Variants in ADGB observed in about 807,000 individuals in gnomAD.
ADGB encodes the protein calpain-7-like protein.
A neutral mutation model predicts 210.5 loss-of-function variants in ADGB; 172 were observed. The observed-to-expected ratio is 0.82, with a 90% CI of 0.72 to 0.93. The LOEUF is 0.93. Ranked by LOEUF, ADGB falls within the 40% of genes least tolerant of loss-of-function variation. The pLI is 0.00. For missense variants in ADGB, 2,025 were observed against 1,964.8 expected (o/e 1.03, Z -0.58); for synonymous variants, 658 against 662.7 (o/e 0.99, Z 0.11).
intron 13 of ADGB, among the ~76,000 whole-genome samples, chr6:146,703,599 T>G (rs1249832694): frequency 6.6e-6 from 1 of 152,014 alleles, no homozygotes; most frequent in Non-Finnish European, 1.5e-5. Flanking sequence ...CATAAGGTCC[T>G]CCAGGTTTAT....
chr6:146,769,822 G>A (rs1246614594), intron 29 of ADGB, among the ~76,000 whole-genome samples: 2 of 152,180 alleles, frequency 1.3e-5, no homozygotes, highest in East Asian at 3.9e-4. Flanking sequence ...AACATAAAAT[G>A]TAAAAGCCTC....
intron 27 of ADGB, among the ~76,000 whole-genome samples, chr6:146,754,514 A>G (rs1425105041): frequency 6.6e-6 from 1 of 151,844 alleles, no homozygotes; most frequent in African/African-American, 2.4e-5. Flanking sequence ...ACTTAATGCT[A>G]TACATTTTTC....
chr6:146,746,002 T>C lies in ADGB; in HGVS notation c.3258T>C (p.Gly1086=). 6.4e-7 allele frequency: 1 copy of C among 1,551,378 alleles called. No individual in the cohort carries two copies. The highest frequency in any genetic ancestry group is 1.2e-5 in the South Asian group (1 of 84,034). The part of the protein sequence containing the change: ...AASRWKLRLI[G]SSAPLPCLSR... ...CACGATGGAAACTGCGTCTCATCGG[T>C]TCTTCTGCTCCACTGCCATGCCTCT... Residue 1086 remains glycine, a synonymous_variant, in exon 26 of 36, where the codon GGT becomes GGC. Coordinates refer to ENST00000397944, the MANE Select transcript of ADGB (RefSeq NM_024694.4).
intron 4 of ADGB, 92 bp from the exon 5 acceptor site, chr6:146,656,679 T>A: frequency 1.2e-6 from 1 of 810,320 alleles, no homozygotes; most frequent in East Asian, 2.8e-5. Context: ...AATATTATTC[T>A]TGGAAGTGGA....
At chr6:146,600,285 C>A (rs75395649) in intron 1 of ADGB, 15,894 of 196,908 alleles carry the variant, frequency 0.081, 833 homozygotes, top group East Asian at 0.23. Context: ...CTTCTGTGTA[C>A]CAAAGTCAGG....
chr6:146,729,175 G>A (rs914875462), intron 20 of ADGB, among the ~76,000 whole-genome samples: 2 of 152,156 alleles, frequency 1.3e-5, no homozygotes, highest in Admixed American at 1.3e-4. Context: ...CAGCCTTGAG[G>A]GGGTGAAGCA....
At chr6:146,807,029 G>A (rs1448742169) in intron 35 of ADGB, among the ~76,000 whole-genome samples, 1 of 152,182 alleles carries the variant, frequency 6.6e-6, no homozygotes, top group Non-Finnish European at 1.5e-5. Flanking sequence ...GTCAAGGATA[G>A]CATACATGTG....
intron 13 of ADGB, among the ~76,000 whole-genome samples, chr6:146,712,814 A>G (rs1297962570): frequency 1.3e-5 from 2 of 152,318 alleles, no homozygotes; most frequent in Middle Eastern, 3.4e-3. Context: ...GCAGTTCAGT[A>G]GTATTGAATA....
intron 28 of ADGB, among the ~76,000 whole-genome samples, chr6:146,767,384 A>G (rs1313395279): frequency 3.3e-5 from 5 of 152,242 alleles, no homozygotes; most frequent in African/African-American, 1.2e-4. Flanking sequence ...AAAGACATTA[A>G]TAGTAATAAC....
intron 30 of ADGB, 78 bp from the exon 31 acceptor site, chr6:146,784,540 T>G: frequency 8.8e-7 from 1 of 1,134,038 alleles, no homozygotes; most frequent in Non-Finnish European, 1.2e-6. Flanking sequence ...AATAGTGAAA[T>G]TATGTATCAT....
Position 146,801,815 on chromosome 6 carries a change from CT to C in ADGB, c.4635-9del. 1 of 1,529,804 alleles carries C rather than the reference CT, an allele frequency of 6.5e-7. No individual in the cohort carries two copies. Among genetic ancestry groups the C allele is most frequent in the Non-Finnish European group, 8.8e-7 (1 of 1,136,178 alleles). The allele number at this position is 1,529,804 out of a possible 1,614,324, so 94.8% of individuals were successfully genotyped here. On this transcript the variant is annotated splice_polypyrimidine_tract_variant and intron_variant, in intron 34 of 35. Transcript: ENST00000397944. ...AAATGAAATCTGTATCTTTTGATGA[CT>C]TTTGTATCAAGGAAAACAGATACAG...
intron 9 of ADGB, 146 bp from the exon 10 acceptor site, chr6:146,685,588 A>T (rs540997861): frequency 1.3e-4 from 61 of 458,504 alleles, no homozygotes; most frequent in Non-Finnish European, 2.1e-4. Flanking sequence ...GAGATTTAAC[A>T]TCTGTTAAAT....
chr6:146,671,390 A>G (rs1776006717), intron 7 of ADGB, among the ~76,000 whole-genome samples: 1 of 152,204 alleles, frequency 6.6e-6, no homozygotes, highest in Admixed American at 6.5e-5. Flanking sequence ...GTAGTATCCA[A>G]CGGACACTGT....
intron 9 of ADGB, among the ~76,000 whole-genome samples, chr6:146,681,818 T>C (rs972304601): frequency 6.6e-6 from 1 of 152,094 alleles, no homozygotes; most frequent in Non-Finnish European, 1.5e-5. Flanking sequence ...ATTCGAGTCA[T>C]TATCCTCTTT....
At chr6:146,713,343 C>T (rs1776685281) in intron 13 of ADGB, among the ~76,000 whole-genome samples, 1 of 152,198 alleles carries the variant, frequency 6.6e-6, no homozygotes, top group African/African-American at 2.4e-5. Context: ...AGTGACCACA[C>T]CATTTTACAT....
intron 19 of ADGB, among the ~76,000 whole-genome samples, chr6:146,727,191 A>AG (rs1455453099): frequency 1.4e-4 from 21 of 151,916 alleles, no homozygotes; most frequent in Non-Finnish European, 2.5e-4. Context: ...AAAAAAAAAA[A>AG]ATTCCAAATA....
At chr6:146,758,181 T>C (rs757812050) in intron 27 of ADGB, among the ~76,000 whole-genome samples, 4 of 152,236 alleles carry the variant, frequency 2.6e-5, no homozygotes, top group Middle Eastern at 3.4e-3. Context: ...TCTAGTTTTT[T>C]CTTTAGATAT....
At chr6:146,648,710 G>A (rs1249688980) in intron 3 of ADGB, among the ~76,000 whole-genome samples, 1 of 151,840 alleles carries the variant, frequency 6.6e-6, no homozygotes, top group Non-Finnish European at 1.5e-5. Flanking sequence ...TTAGATTTGG[G>A]TGGGGACACA....
chr6:146,636,391 G>A (rs757955504), intron 2 of ADGB, among the ~76,000 whole-genome samples: 1 of 151,912 alleles, frequency 6.6e-6, no homozygotes, highest in Admixed American at 6.6e-5. Context: ...GTTAACAAAA[G>A]GTACGCAATA....
Sources: allele counts gnomAD v4.1 joint callset (sites outside exome capture counted in the v4.1 genomes callset), GRCh38; gene constraint gnomAD v4.1.1; transcripts MANE v1.5; gene names NCBI Gene and HGNC (gene_info 2026-07-23, HGNC 2026-07-21).